Variants in GRP observed in about 807,000 individuals in gnomAD.
GRP encodes the protein gastrin releasing peptide.
GRP carries 11 observed loss-of-function variants against 12.7 expected under a neutral mutation model. The ratio of observed to expected loss-of-function variants is 0.87; its 90% CI spans 0.55 to 1.44. The LOEUF is 1.44. GRP is among the 40% of genes most tolerant of loss of function. GRP has a pLI of 0.00. For missense variants in GRP, 212 were observed against 185.4 expected, an observed-to-expected ratio of 1.14 and a Z score of -0.83; for synonymous variants, 84 against 77.7, an observed-to-expected ratio of 1.08 and a Z score of -0.43.
chr18:59,227,093 C>G (rs1436407296), intron 2 of GRP, among the ~76,000 whole-genome samples: 1 of 140,952 alleles, frequency 7.1e-6, no homozygotes, highest in African/African-American at 2.7e-5. Context: ...CTTGCTCTCT[C>G]TCTCTCTTTT....
At chr18:59,221,672 A>T (rs1252635538) in intron 1 of GRP, among the ~76,000 whole-genome samples, 3 of 152,040 alleles carry the variant, frequency 2.0e-5, no homozygotes, top group Non-Finnish European at 4.4e-5. Context: ...TTGAACAAGT[A>T]CTTGCTAATT....
At chr18:59,228,632 A>C (rs2069980932) in intron 2 of GRP, among the ~76,000 whole-genome samples, 1 of 152,236 alleles carries the variant, frequency 6.6e-6, no homozygotes, top group Non-Finnish European at 1.5e-5. Flanking sequence ...CTTTCAGAGC[A>C]ATTATGCCCA....
chr18:59,225,623 AAGG>A lies in GRP; in HGVS notation c.274_276del (p.Glu92del), dbSNP rs1436233013. 2 of 1,614,152 alleles carry A rather than the reference AAGG, an allele frequency of 1.2e-6. No individual in the cohort carries two copies. The highest frequency in any genetic ancestry group is 2.2e-5 in the South Asian group (2 of 91,080). On this transcript the variant is annotated inframe_deletion, in exon 2 of 3. Transcript: ENST00000256857. ...GAATTTGCTGGGTCTCATAGAAGCA[AAGG>A]AGAACAGAAACCACCAGCCACCTCA...
chr18:59,220,879 C>T (rs1284828655), intron 1 of GRP, among the ~76,000 whole-genome samples: 2 of 152,206 alleles, frequency 1.3e-5, no homozygotes, highest in Non-Finnish European at 2.9e-5. Context: ...ATCTAAGCTG[C>T]GCCTATGCTC....
At chr18:59,228,920 A>T (rs1427503034) in intron 2 of GRP, among the ~76,000 whole-genome samples, 1 of 152,170 alleles carries the variant, frequency 6.6e-6, no homozygotes, top group African/African-American at 2.4e-5. Context: ...TTTGCAGCTT[A>T]GGTCTCTCCT....
rs940833522 is a variant in GRP at position 59,224,500 on chromosome 18, C to T, written c.140-992C>T. Reference sequence around the variant, plus strand: ...ACCTTTTTCCTTGCACACTTTAGATCAAAAGCACCATAGTTTTGTTGACGT... The same window carrying T: ...ACCTTTTTCCTTGCACACTTTAGATTAAAAGCACCATAGTTTTGTTGACGT... On this transcript the variant is annotated intron_variant, in intron 1 of 2. Coordinates refer to ENST00000256857, the MANE Select transcript of GRP (RefSeq NM_002091.5). Among the ~76,000 whole-genome samples, 8 of 152,246 alleles carry T rather than the reference C, an allele frequency of 5.3e-5. No homozygotes were observed. In the East Asian group the frequency reaches 1.5e-3, roughly 29 times the overall value.
At chr18:59,226,992 CCTTTCTTTCTTT>C (rs34258044) in intron 2 of GRP, among the ~76,000 whole-genome samples, 11,010 of 107,756 alleles carry the variant, frequency 0.1, 626 homozygotes, top group Non-Finnish European at 0.12. Context: ...TTCTTTTCTT[CCTTTCTTTCTTT>C]CTTTCTTTCT....
intron 2 of GRP, among the ~76,000 whole-genome samples, chr18:59,229,253 C>G (rs551527236): frequency 6.6e-6 from 1 of 152,156 alleles, no homozygotes; most frequent in Admixed American, 6.5e-5. Flanking sequence ...CCATTGCCTC[C>G]CAGTTCCTTG....
chr18:59,225,530 T>A lies in GRP; in HGVS notation c.178T>A (p.Ser60Thr), dbSNP rs1568083950. The change falls in exon 2 of 3, where the codon TCT becomes ACT. Residue 60 changes from serine to threonine, a missense_variant. Coordinates refer to ENST00000256857, the MANE Select transcript of GRP (RefSeq NM_002091.5). Reference protein sequence around the residue: ...MGKKSTGESSSVSERGSLKQQ... With the variant: ...MGKKSTGESSTVSERGSLKQQ... Reference sequence around the variant, plus strand: ...GAAAAAGAGCACAGGGGAGTCTTCTTCTGTTTCTGAGAGAGGGAGCCTGAA... The same window carrying A: ...GAAAAAGAGCACAGGGGAGTCTTCTACTGTTTCTGAGAGAGGGAGCCTGAA... The A allele has an allele frequency of 4.3e-6, 7 of 1,613,834 alleles. No homozygotes were observed. The highest frequency in any genetic ancestry group is 5.1e-6 in the Non-Finnish European group (6 of 1,179,726).
rs116504268 is a variant in GRP, at chr18:59,223,952, C to T, written c.140-1540C>T. On this transcript the variant is annotated intron_variant, in intron 1 of 2. Coordinates refer to ENST00000256857, the MANE Select transcript of GRP (RefSeq NM_002091.5). Reference sequence around the variant, plus strand: ...TGTCATAAGCAATTTGGCAAATGCTCACACTGCAATGCAGTAAACCTGATT... The same window carrying T: ...TGTCATAAGCAATTTGGCAAATGCTTACACTGCAATGCAGTAAACCTGATT... Among the ~76,000 whole-genome samples the T allele has an allele frequency of 2.6e-3, 400 of 152,334 alleles. 3 individuals carry two copies. The highest frequency in any genetic ancestry group is 8.9e-3 in the African/African-American group (371 of 41,578).
chr18:59,225,032 T>G (rs2069894074), intron 1 of GRP, among the ~76,000 whole-genome samples: 1 of 152,216 alleles, frequency 6.6e-6, no homozygotes, highest in African/African-American at 2.4e-5. Flanking sequence ...GACTTTTATT[T>G]TCAGCAGCAA....
At chr18:59,224,371 G>T (rs1179068904) in intron 1 of GRP, among the ~76,000 whole-genome samples, 1 of 152,208 alleles carries the variant, frequency 6.6e-6, no homozygotes, top group Non-Finnish European at 1.5e-5. Context: ...TTGGTGGATA[G>T]AACTTCTGGG....
rs1230905824 is a variant in GRP at position 59,220,236 on chromosome 18, G to C, written c.-30G>C. The C allele has an allele frequency of 3.5e-6, 5 of 1,432,344 alleles. No individual in the cohort carries two copies. The highest frequency in any genetic ancestry group is 3.7e-6 in the Non-Finnish European group (4 of 1,095,108). The allele number at this position is 1,432,344 out of a possible 1,614,324, so 88.7% of individuals were successfully genotyped here. ...AGTCTCTGCTCTTCCCAGCCTCTCC[G>C]GCGCGCTCCAAGGGCTTCCCGTCGG... On this transcript the variant is annotated 5_prime_UTR_variant, in exon 1 of 3. Transcript: ENST00000256857.
At chr18:59,220,583 C>G (rs1032387257) in intron 1 of GRP, among the ~76,000 whole-genome samples, 179 bp downstream of exon 1, 1 of 152,184 alleles carries the variant, frequency 6.6e-6, no homozygotes, top group Non-Finnish European at 1.5e-5. Flanking sequence ...CCACCTTTCC[C>G]CATTCTAGGG....
At chr18:59,223,409 A>G (rs1011779469) in intron 1 of GRP, among the ~76,000 whole-genome samples, 1 of 152,222 alleles carries the variant, frequency 6.6e-6, no homozygotes, top group African/African-American at 2.4e-5. Context: ...CAACCAGTCT[A>G]TGGAACTAGA....
In GRP at chr18:59,228,094, C is replaced by T. The variant is rs1305838491; in HGVS notation, c.383-2310C>T. ...CACCTCCAGTTGAATAATTAGTTAT[C>T]GCACACATTGGTACTATTCTTTTGG... On this transcript the variant is annotated intron_variant, in intron 2 of 2. Coordinates refer to ENST00000256857, the MANE Select transcript of GRP (RefSeq NM_002091.5). Among the ~76,000 whole-genome samples the T allele has an allele frequency of 3.3e-5, 5 of 152,184 alleles. 1 individual carries two copies. In the East Asian group the frequency reaches 9.6e-4, roughly 29 times the overall value.
At chr18:59,227,684 G>A (rs184696598) in intron 2 of GRP, among the ~76,000 whole-genome samples, 270 of 152,264 alleles carry the variant, frequency 1.8e-3, no homozygotes, top group African/African-American at 6.2e-3. Context: ...CTATTCTATA[G>A]TGCCTCATTT....
intron 1 of GRP, among the ~76,000 whole-genome samples, chr18:59,224,218 C>CA (rs1339401598): frequency 2.5e-4 from 38 of 152,284 alleles, no homozygotes; most frequent in Admixed American, 2.3e-3. Context: ...TAGTTGCTTA[C>CA]ATCTATGTGA....
chr18:59,220,578 T>A (rs902632963), intron 1 of GRP, among the ~76,000 whole-genome samples, 174 bp downstream of exon 1: 15 of 152,074 alleles, frequency 9.9e-5, no homozygotes, highest in African/African-American at 3.6e-4. Flanking sequence ...CCACCCCACC[T>A]TTCCCCATTC....
Sources: gnomAD v4.1 joint callset for allele counts (sites outside exome capture counted in the v4.1 genomes callset) on GRCh38, gnomAD v4.1.1 for gene constraint, MANE v1.5 for transcripts, NCBI Gene and HGNC (gene_info 2026-07-23, HGNC 2026-07-21) for gene names.